KIF26B: variants seen among roughly 807,000 people sequenced by gnomAD.
The protein encoded by KIF26B is kinesin family member 26B, also known as kinesin-like protein KIF26B.
Under a neutral mutation model 151.2 loss-of-function variants are expected in KIF26B, and 63 were observed. The observed-to-expected ratio is 0.42, with a 90% CI of 0.34 to 0.51. The LOEUF is 0.51. KIF26B is among the 20% of genes least tolerant of loss of function. KIF26B has a pLI of 0.07. For missense variants in KIF26B, 2,813 were observed against 2,913.6 expected (o/e 0.97, Z 0.79); for synonymous variants, 1,357 against 1,262.1 (o/e 1.08, Z -1.59).
chr1:245,248,611 C>T (rs886632567), intron 2 of KIF26B, among the ~76,000 whole-genome samples: 5 of 152,202 alleles, frequency 3.3e-5, no homozygotes, highest in East Asian at 1.9e-4. Flanking sequence ...AATGAGCCCA[C>T]GTGCTCTTCA....
At position 245,664,337 on chromosome 1, in the gene KIF26B, C is replaced by A. The variant is rs529915397; in HGVS notation, c.2258+18057C>A. On this transcript the variant is annotated intron_variant, in intron 10 of 14. Coordinates refer to ENST00000407071, the MANE Select transcript of KIF26B (RefSeq NM_018012.4). ...TCACGCCATTGCACTCCAGCCTTGG[C>A]AACAAGAGTGAAACTCCATCTCAAA... 1.6e-4 allele frequency among the ~76,000 whole-genome samples: 22 copies of A among 140,930 alleles called. No individual in the cohort carries two copies. In the South Asian group the frequency reaches 4.6e-3, roughly 30 times the overall value. The allele number at this position is 140,930 out of a possible 152,430, so 92.5% of individuals were successfully genotyped here. A position where few individuals can be genotyped will look rare whatever the true frequency, so the allele number is the denominator to read the frequency against.
chr1:245,545,244 G>A (rs1336277362), intron 5 of KIF26B, among the ~76,000 whole-genome samples: 1 of 152,140 alleles, frequency 6.6e-6, no homozygotes, highest in Non-Finnish European at 1.5e-5. Flanking sequence ...TGGGATTACA[G>A]GCATGCGCCA....
intron 2 of KIF26B, among the ~76,000 whole-genome samples, chr1:245,206,038 C>A (rs1313580169): frequency 6.6e-6 from 1 of 152,082 alleles, no homozygotes; most frequent in Non-Finnish European, 1.5e-5. Context: ...GAGCCCAGCC[C>A]CCAAGGAGAC....
intron 2 of KIF26B, among the ~76,000 whole-genome samples, chr1:245,205,393 T>G (rs574912125): frequency 7.9e-4 from 121 of 152,328 alleles, no homozygotes; most frequent in African/African-American, 2.8e-3. Flanking sequence ...CAAAAACAAC[T>G]GGAGCACAGC....
intron 5 of KIF26B, among the ~76,000 whole-genome samples, chr1:245,579,403 C>T (rs767191007): frequency 3.3e-5 from 5 of 152,150 alleles, no homozygotes; most frequent in East Asian, 1.9e-4. Context: ...GAGGCTGAGG[C>T]GGGAGGACCA....
intron 2 of KIF26B, among the ~76,000 whole-genome samples, chr1:245,251,054 C>T (rs1288326910): frequency 6.6e-6 from 1 of 152,180 alleles, no homozygotes; most frequent in East Asian, 1.9e-4. Flanking sequence ...TTCGTTTCCC[C>T]AGCATCACAT....
intron 2 of KIF26B, among the ~76,000 whole-genome samples, chr1:245,215,555 T>C (rs1039304110): frequency 6.6e-6 from 1 of 152,096 alleles, no homozygotes; most frequent in Non-Finnish European, 1.5e-5. Flanking sequence ...ATTCATTTCA[T>C]TTGTTAGTTA....
Position 245,480,065 on chromosome 1 carries a change from A to C in KIF26B, c.1166+60320A>C, listed in dbSNP as rs7530181. Among the ~76,000 whole-genome samples, 66 of 151,554 alleles carry C rather than the reference A, an allele frequency of 4.4e-4. 1 individual carries two copies. Among genetic ancestry groups the C allele is most frequent in the Admixed American group, 4.3e-3 (66 of 15,250 alleles). ...GATCGCTTGAGCCCAGGAGTTTAGG[A>C]CCAGCCTGGGCAACATGGCGTGACC... On this transcript the variant is annotated intron_variant, in intron 4 of 14. Coordinates refer to ENST00000407071, the MANE Select transcript of KIF26B (RefSeq NM_018012.4).
chr1:245,203,457 G>A (rs1436106420), intron 2 of KIF26B, among the ~76,000 whole-genome samples: 1 of 152,118 alleles, frequency 6.6e-6, no homozygotes, highest in Non-Finnish European at 1.5e-5. Flanking sequence ...ATCTTGTGGT[G>A]TTTCAAGATG....
chr1:245,564,267 T>C lies in KIF26B; in HGVS notation c.1350+23317T>C, dbSNP rs1189187892. On this transcript the variant is annotated intron_variant, in intron 5 of 14. Coordinates refer to ENST00000407071, the MANE Select transcript of KIF26B (RefSeq NM_018012.4). The surrounding 1 kb of genome is among the most constrained non-coding windows in gnomAD (Gnocchi z 4.6). The stretch of plus-strand genomic sequence containing the variant: ...CATTTTCTGCGATACACACTGTCAC[T>C]TTCCCTGGGAACAGATTCGACCTGG... 2.0e-5 allele frequency among the ~76,000 whole-genome samples: 3 copies of C among 152,182 alleles called. No homozygotes were observed. Among genetic ancestry groups the C allele is most frequent in the South Asian group, 2.1e-4 (1 of 4,820 alleles).
chr1:245,607,859 G>A, intron 7 of KIF26B, 115 bp downstream of exon 7: 1 of 773,524 alleles, frequency 1.3e-6, no homozygotes, highest in South Asian at 1.9e-5. Flanking sequence ...TTTCTCTTAG[G>A]TGTTGAGCTG....
At chr1:245,607,610 G>A (rs565782167) in intron 6 of KIF26B, 41 bp from the exon 7 acceptor site, 31 of 1,525,762 alleles carry the variant, frequency 2.0e-5, no homozygotes, top group African/African-American at 9.6e-5. Flanking sequence ...TCTCCGCTGC[G>A]AGGTCCATTC....
chr1:245,294,085 C>T (rs1671298517), intron 2 of KIF26B, among the ~76,000 whole-genome samples: 1 of 152,078 alleles, frequency 6.6e-6, no homozygotes, highest in Admixed American at 6.6e-5. Flanking sequence ...ATGATGGTGG[C>T]CTGTGTTGTG....
intron 1 of KIF26B, 146 bp from the exon 2 acceptor site, chr1:245,156,136 C>A: frequency 8.3e-7 from 1 of 1,210,530 alleles, no homozygotes; most frequent in Non-Finnish European, 1.1e-6. Flanking sequence ...AGACGGAGGG[C>A]AATTTGGCCG....
At chr1:245,268,237 G>C (rs968967296) in intron 2 of KIF26B, among the ~76,000 whole-genome samples, 3 of 151,816 alleles carry the variant, frequency 2.0e-5, no homozygotes, top group Non-Finnish European at 4.4e-5. Flanking sequence ...TGGGAAGCCG[G>C]GCCAGGTGGA....
intron 11 of KIF26B, 22 bp downstream of exon 11, chr1:245,684,417 G>C (rs1034814997): frequency 6.4e-7 from 1 of 1,561,664 alleles, no homozygotes; most frequent in African/African-American, 1.4e-5. Context: ...GCGGGGTGGG[G>C]GGGTGGTGGA....
In KIF26B at chr1:245,352,346, C is replaced by T. The variant is rs930360045; in HGVS notation, c.466-14488C>T. Among the ~76,000 whole-genome samples, 3 of 152,212 alleles carry T rather than the reference C, an allele frequency of 2.0e-5. No homozygotes were observed. The highest frequency in any genetic ancestry group is 7.2e-5 in the African/African-American group (3 of 41,444). On this transcript the variant is annotated intron_variant, in intron 2 of 14. Transcript: ENST00000407071. The surrounding 1 kb of genome is among the most constrained non-coding windows in gnomAD (Gnocchi z 5.0). Reference sequence around the variant, plus strand: ...TGGTGCGATCTCAGCTCACTGCAACCTCCGCCTCCCAGGCTCAAGCAATTC... The same window carrying T: ...TGGTGCGATCTCAGCTCACTGCAACTTCCGCCTCCCAGGCTCAAGCAATTC...
At chr1:245,364,370 G>T (rs1051188468) in intron 2 of KIF26B, among the ~76,000 whole-genome samples, 3 of 150,934 alleles carry the variant, frequency 2.0e-5, no homozygotes, top group Admixed American at 6.6e-5. Context: ...AAGGGCTAGC[G>T]TTGGAAATAA....
chr1:245,199,061 A>G (rs1056291842), intron 2 of KIF26B, among the ~76,000 whole-genome samples: 1 of 131,158 alleles, frequency 7.6e-6, no homozygotes, highest in Non-Finnish European at 1.6e-5. Flanking sequence ...TTCATTTTAC[A>G]GATGAAGAAA....
Sources: allele counts gnomAD v4.1 joint callset (sites outside exome capture counted in the v4.1 genomes callset), GRCh38; gene constraint gnomAD v4.1.1; non-coding constraint Gnocchi (gnomAD v3.1); transcripts MANE v1.5; gene names NCBI Gene and HGNC (gene_info 2026-07-23, HGNC 2026-07-21).